FRMPD1: variants seen among roughly 807,000 people sequenced by gnomAD.
The protein encoded by FRMPD1 is FERM and PDZ domain containing 1, also known as FERM and PDZ domain-containing protein 1.
A neutral mutation model predicts 117.8 loss-of-function variants in FRMPD1; 76 were observed. The ratio of observed to expected loss-of-function variants is 0.65; its 90% confidence interval spans 0.54 to 0.78. FRMPD1 has a LOEUF of 0.78. Among genes scored for constraint, FRMPD1 ranks in the 30% least tolerant of loss-of-function variants. The pLI is 0.00. For synonymous variants in FRMPD1, 783 were observed against 770.4 expected, an observed-to-expected ratio of 1.02 and a Z score of -0.27; for missense variants, 1,786 against 1,964.5, an observed-to-expected ratio of 0.91 and a Z score of 1.72.
In FRMPD1 at chr9:37,735,981, C is replaced by T. The variant is rs189422791; in HGVS notation, c.1401+247C>T. On this transcript the variant is annotated intron_variant, in intron 13 of 15. Transcript: ENST00000377765. ...TGTGCTTTCCTGTTGGATTTAGAAACGTAGATGGAGAACACCAGAGGATTT... is the reference window on the plus strand; with the variant it reads ...TGTGCTTTCCTGTTGGATTTAGAAATGTAGATGGAGAACACCAGAGGATTT... 2.2e-3 allele frequency among the ~76,000 whole-genome samples: 325 copies of T among 150,310 alleles called. 1 individual carries two copies. The highest frequency in any genetic ancestry group is 7.7e-3 in the African/African-American group (313 of 40,854).
intron 1 of FRMPD1, among the ~76,000 whole-genome samples, chr9:37,686,802 T>C (rs529911177): frequency 6.6e-5 from 10 of 152,346 alleles, no homozygotes; most frequent in Non-Finnish European, 1.2e-4. Context: ...TTCAGTCCTA[T>C]GGATATGTTC....
chr9:37,718,417 T>C (rs1243527543), intron 5 of FRMPD1, among the ~76,000 whole-genome samples: 1 of 152,202 alleles, frequency 6.6e-6, no homozygotes, highest in Admixed American at 6.5e-5. Flanking sequence ...GTCTAGAAGA[T>C]CATGTAAGAT....
intron 1 of FRMPD1, among the ~76,000 whole-genome samples, chr9:37,651,370 G>C (rs939951128): frequency 6.6e-6 from 1 of 152,238 alleles, no homozygotes; most frequent in African/African-American, 2.4e-5. Context: ...GCGGCAACGC[G>C]GGAGGGGGAG....
the FRMPD1 span, among the ~76,000 whole-genome samples, chr9:37,620,056 CAG>C: frequency 6.6e-6 from 1 of 152,258 alleles, no homozygotes; most frequent in East Asian, 1.9e-4. Flanking sequence ...TACCCTGTAA[CAG>C]AGGGTCACCG....
intron 7 of FRMPD1, among the ~76,000 whole-genome samples, chr9:37,725,046 C>G (rs1454434513): frequency 6.6e-6 from 1 of 152,008 alleles, no homozygotes; most frequent in Non-Finnish European, 1.5e-5. Flanking sequence ...GGGTACATAT[C>G]AATCAGAGAG....
chr9:37,623,909 T>A, the FRMPD1 span, among the ~76,000 whole-genome samples: 1 of 152,114 alleles, frequency 6.6e-6, no homozygotes, highest in African/African-American at 2.4e-5. Context: ...ACTGTGGACA[T>A]TTTAGGCTCA....
At chr9:37,720,585 C>T (rs1823354389) in intron 6 of FRMPD1, among the ~76,000 whole-genome samples, 1 of 152,122 alleles carries the variant, frequency 6.6e-6, no homozygotes, top group Non-Finnish European at 1.5e-5. Flanking sequence ...AGGAGAATGG[C>T]GTGAACCCAG....
chr9:37,620,740 A>T, the FRMPD1 span, among the ~76,000 whole-genome samples: 1 of 152,096 alleles, frequency 6.6e-6, no homozygotes, highest in African/African-American at 2.4e-5. Flanking sequence ...GCAATAATGA[A>T]ATATCTTCTG....
chr9:37,640,424 G>A, the FRMPD1 span, among the ~76,000 whole-genome samples: 1 of 152,214 alleles, frequency 6.6e-6, no homozygotes, highest in Non-Finnish European at 1.5e-5. Flanking sequence ...CTCTGGAGCT[G>A]CACTAATGGA....
chr9:37,646,090 T>C (rs1014813409), upstream of FRMPD1, among the ~76,000 whole-genome samples: 19 of 152,208 alleles, frequency 1.2e-4, no homozygotes, highest in Non-Finnish European at 2.6e-4. Flanking sequence ...GGCATAGATA[T>C]CAGAGAGGGC....
At chr9:37,676,299 CG>C (rs1306018160) in intron 1 of FRMPD1, among the ~76,000 whole-genome samples, 1 of 152,090 alleles carries the variant, frequency 6.6e-6, no homozygotes, top group African/African-American at 2.4e-5. Flanking sequence ...GCTCGTGTCT[CG>C]GGGAGCATCT....
intron 9 of FRMPD1, among the ~76,000 whole-genome samples, chr9:37,731,537 C>T (rs1823879720): frequency 6.6e-6 from 1 of 152,118 alleles, no homozygotes; most frequent in Non-Finnish European, 1.5e-5. Flanking sequence ...ATTCTACCTC[C>T]TTAGATGAGA....
chr9:37,615,925 G>GCCTCAGCC, the FRMPD1 span, among the ~76,000 whole-genome samples: 1 of 151,272 alleles, frequency 6.6e-6, no homozygotes, highest in Non-Finnish European at 1.5e-5. Context: ...CAATTCTTAT[G>GCCTCAGCC]CCTCAGCCTC....
In FRMPD1 at chr9:37,731,106, G is replaced by A; in HGVS notation, c.858+3G>A. Reference sequence around the variant, plus strand: ...CCTTTGAATACCTCTATCTGCAGGTGACTGGGTCTGTGCTTCCTAAAATAA... The same window carrying A: ...CCTTTGAATACCTCTATCTGCAGGTAACTGGGTCTGTGCTTCCTAAAATAA... On this transcript the variant is annotated splice_donor_region_variant and intron_variant, in intron 9 of 15. Transcript: ENST00000377765. The A allele has an allele frequency of 6.2e-7, 1 of 1,613,344 alleles. No homozygotes were observed. The highest frequency in any genetic ancestry group is 8.5e-7 in the Non-Finnish European group (1 of 1,179,312).
intron 15 of FRMPD1, among the ~76,000 whole-genome samples, chr9:37,743,426 G>GC (rs1824514898): frequency 6.6e-6 from 1 of 150,630 alleles, no homozygotes; most frequent in African/African-American, 2.4e-5. Flanking sequence ...CTGAAGACCT[G>GC]GGTTCAGAAA....
At chr9:37,708,058 G>A (rs1202967336) in intron 3 of FRMPD1, among the ~76,000 whole-genome samples, 1 of 152,224 alleles carries the variant, frequency 6.6e-6, no homozygotes, top group African/African-American at 2.4e-5. Context: ...TCGTTAAAAT[G>A]TATTGATTTC....
intron 2 of FRMPD1, chr9:37,693,028 A>C: frequency 2.1e-6 from 1 of 472,114 alleles, no homozygotes; most frequent in Non-Finnish European, 3.9e-6. Flanking sequence ...AAATACACTC[A>C]TACATACTCA....
chr9:37,743,759 G>A (rs1032541875), intron 15 of FRMPD1, among the ~76,000 whole-genome samples: 1 of 151,504 alleles, frequency 6.6e-6, no homozygotes, highest in Non-Finnish European at 1.5e-5. Flanking sequence ...ACAGCTGGGT[G>A]CAGTGGCTCA....
chr9:37,659,579 C>T (rs1016715601), intron 1 of FRMPD1, among the ~76,000 whole-genome samples: 2 of 152,120 alleles, frequency 1.3e-5, no homozygotes, highest in African/African-American at 4.8e-5. Context: ...TGAATGTGCT[C>T]TGGACAAAGA....
Sources: allele counts gnomAD v4.1 joint callset (sites outside exome capture counted in the v4.1 genomes callset), GRCh38; gene constraint gnomAD v4.1.1; transcripts MANE v1.5; gene names NCBI Gene and HGNC (gene_info 2026-07-23, HGNC 2026-07-21).